DDX4: variants seen among roughly 807,000 people sequenced by gnomAD.
DDX4 encodes the protein probable ATP-dependent RNA helicase DDX4.
Under a neutral mutation model 100.0 loss-of-function variants are expected in DDX4, and 25 were observed. The ratio of observed to expected loss-of-function variants is 0.25; its 90% CI spans 0.18 to 0.35. The LOEUF is 0.35. DDX4 is among the 10% of genes least tolerant of loss of function. DDX4 has a pLI of 1.00. For missense variants in DDX4, 635 were observed against 882.4 expected, an observed-to-expected ratio of 0.72 and a Z score of 3.55; for synonymous variants, 259 against 275.7, an observed-to-expected ratio of 0.94 and a Z score of 0.60.
intron 18 of DDX4, among the ~76,000 whole-genome samples, chr5:55,806,197 A>G (rs1743700539): frequency 6.6e-6 from 1 of 151,946 alleles, no homozygotes; most frequent in Admixed American, 6.6e-5. Context: ...TTATGCATCT[A>G]TTTGATTCTT....
chr5:55,777,519 G>A (rs542433307), intron 7 of DDX4: 1 of 152,282 alleles, frequency 6.6e-6, no homozygotes, highest in East Asian at 1.9e-4. Flanking sequence ...GATCTTGGAA[G>A]CTAAGCAGGG....
intron 7 of DDX4, among the ~76,000 whole-genome samples, chr5:55,771,555 T>C (rs1204418060): frequency 6.6e-6 from 1 of 152,216 alleles, no homozygotes; most frequent in Non-Finnish European, 1.5e-5. Flanking sequence ...GTAAACATTC[T>C]AGTATTCTTT....
At position 55,738,972 on chromosome 5, in the gene DDX4, T is replaced by G. The variant is rs761350471; in HGVS notation, c.9T>G (p.Asp3Glu). Reference protein sequence around the residue: MGDEDWEAEINPH... With the variant: MGEEDWEAEINPH... ...TAGAACTTGAAGCCACCATGGGAGA[T>G]GAAGATTGGGAAGCAGAAATCAACC... Residue 3 changes from aspartate (D) to glutamate (E), a missense_variant, in exon 2 of 22, where the codon GAT becomes GAG. Transcript: ENST00000505374. The G allele has an allele frequency of 4.4e-6, 7 of 1,600,810 alleles. No individual in the cohort carries two copies. In the East Asian group the frequency reaches 1.6e-4, roughly 36 times the overall value.
intron 3 of DDX4, among the ~76,000 whole-genome samples, chr5:55,749,722 T>C (rs746647810): frequency 1.4e-4 from 22 of 152,152 alleles, no homozygotes; most frequent in Non-Finnish European, 7.3e-5. Context: ...TCATGTTTGA[T>C]TTGAAACAAG....
At chr5:55,813,306 G>T (rs549547038) in intron 18 of DDX4, among the ~76,000 whole-genome samples, 2 of 152,278 alleles carry the variant, frequency 1.3e-5, no homozygotes, top group Admixed American at 1.3e-4. Flanking sequence ...ATCTTGAGAG[G>T]TAGACAGCAA....
At chr5:55,790,843 A>T (rs961531708) in intron 16 of DDX4, 138 bp downstream of exon 16, 1 of 736,968 alleles carries the variant, frequency 1.4e-6, no homozygotes, top group Non-Finnish European at 2.3e-6. Context: ...CTTTGAATGC[A>T]TTCTTATATA....
intron 7 of DDX4, chr5:55,768,175 T>G: frequency 2.1e-6 from 1 of 486,444 alleles, no homozygotes; most frequent in South Asian, 2.4e-5. Flanking sequence ...GTAGGTTTGT[T>G]ATCTAGGTAA....
intron 18 of DDX4, among the ~76,000 whole-genome samples, chr5:55,810,046 A>AC (rs1561518860): frequency 5.9e-5 from 9 of 151,970 alleles, no homozygotes; most frequent in Non-Finnish European, 1.0e-4. Flanking sequence ...CACACACACA[A>AC]AAAATAGAGG....
At chr5:55,763,768 G>C (rs1580537522) in intron 5 of DDX4, among the ~76,000 whole-genome samples, 1 of 152,238 alleles carries the variant, frequency 6.6e-6, no homozygotes, top group East Asian at 1.9e-4. Context: ...ATACAGAGGA[G>C]TATATGACAA....
Position 55,814,932 on chromosome 5 carries a change from C to A in DDX4, c.1747C>A (p.Leu583Ile). Reference protein sequence around the residue: ...DREQREREQALGDFRFGKCPV... With the variant: ...DREQREREQAIGDFRFGKCPV... ...GGAACAGAGAGAGCGGGAGCAAGCT[C>A]TTGGAGATTTTCGCTTTGGAAAGTG... The change falls in exon 20 of 22, where the codon CTT becomes ATT. Residue 583 changes from leucine to isoleucine, a missense_variant. Leu to Ile is a conservative substitution (Grantham distance 5). This residue lies in a region of DDX4 where 115 missense variants were observed against 224.7 expected (regional missense o/e 0.51). Transcript: ENST00000505374. 2 of 1,614,160 alleles carry A rather than the reference C, an allele frequency of 1.2e-6. No homozygotes were observed. Among genetic ancestry groups the A allele is most frequent in the Non-Finnish European group, 1.7e-6 (2 of 1,179,978 alleles).
At chr5:55,811,179 A>C (rs1744107515) in intron 18 of DDX4, among the ~76,000 whole-genome samples, 1 of 152,188 alleles carries the variant, frequency 6.6e-6, no homozygotes, top group Non-Finnish European at 1.5e-5. Flanking sequence ...TTAAGAAAGT[A>C]ATTCCATACA....
chr5:55,760,349 T>G lies in DDX4; in HGVS notation c.205+72T>G, dbSNP rs371697302. ...GGATATATAGAGGCTTTCATGGCCA[T>G]TTGGTACAAAGCTAAGTCTGTTGTA... is the stretch of plus-strand genomic sequence containing the variant. On this transcript the variant is annotated intron_variant, in intron 4 of 21. Transcript: ENST00000505374. 2.8e-4 allele frequency: 401 copies of G among 1,440,488 alleles called. 1 individual carries two copies. The African/African-American group carries it at 5.2e-3, about 19-fold the overall frequency. 89.2% of individuals were successfully genotyped at this position (1,440,488 alleles called of 1,614,324 possible).
chr5:55,798,618 A>G, intron 18 of DDX4, 47 bp downstream of exon 18: 1 of 1,516,486 alleles, frequency 6.6e-7, no homozygotes, highest in South Asian at 1.3e-5. Context: ...GATTTTTTTT[A>G]ATGAATAATT....
At chr5:55,802,556 A>T (rs990150299) in intron 18 of DDX4, among the ~76,000 whole-genome samples, 9 of 152,190 alleles carry the variant, frequency 5.9e-5, no homozygotes, top group African/African-American at 2.2e-4. Context: ...AGTCCTGGAA[A>T]TCTCACTCAG....
intron 4 of DDX4, among the ~76,000 whole-genome samples, chr5:55,760,818 T>C (rs1740487000): frequency 6.6e-6 from 1 of 152,212 alleles, no homozygotes; most frequent in Non-Finnish European, 1.5e-5. Flanking sequence ...TTTTTAGACT[T>C]AATATTAACA....
Position 55,779,957 on chromosome 5 carries a change from A to AT in DDX4, c.395-5dup. ...GTGTTGTTCTTGTGTGTGTTTTAAC[A>AT]TTATAGGCTATCGAGATGGAAATAA... On this transcript the variant is annotated splice_region_variant and splice_polypyrimidine_tract_variant and intron_variant, in intron 7 of 21. Coordinates refer to ENST00000505374, the MANE Select transcript of DDX4 (RefSeq NM_024415.3). 1 of 1,613,142 alleles carries AT rather than the reference A, an allele frequency of 6.2e-7. No homozygotes were observed.
chr5:55,753,589 T>C (rs545362119), intron 3 of DDX4, among the ~76,000 whole-genome samples: 23 of 152,114 alleles, frequency 1.5e-4, no homozygotes, highest in African/African-American at 4.3e-4. Flanking sequence ...GTAGTATAGT[T>C]TGAAGTCAGG....
chr5:55,773,556 TA>T (rs1418080476), intron 7 of DDX4, among the ~76,000 whole-genome samples: 1 of 152,196 alleles, frequency 6.6e-6, no homozygotes, highest in East Asian at 1.9e-4. Flanking sequence ...CCACCGATAC[TA>T]GTTATTACTG....
At chr5:55,766,235 T>G (rs931991664) in intron 6 of DDX4, among the ~76,000 whole-genome samples, 5 of 152,086 alleles carry the variant, frequency 3.3e-5, no homozygotes, top group Non-Finnish European at 5.9e-5. Flanking sequence ...TTAAAGTAAT[T>G]TTTTATTTTG....
Sources: allele counts gnomAD v4.1 joint callset (sites outside exome capture counted in the v4.1 genomes callset), GRCh38; gene constraint gnomAD v4.1.1; regional missense constraint gnomAD v4.1.1; transcripts MANE v1.5; gene names NCBI Gene and HGNC (gene_info 2026-07-23, HGNC 2026-07-21).